The following AGBL1 variants were observed in gnomAD, a reference collection of about 807,000 sequenced individuals.
The protein encoded by AGBL1 is AGBL carboxypeptidase 1.
A neutral mutation model predicts 118.9 loss-of-function variants in AGBL1; 130 were observed. The ratio of observed to expected loss-of-function variants is 1.09; its 90% CI spans 0.95 to 1.26. The LOEUF (loss-of-function observed/expected upper bound fraction) is 1.26. AGBL1 is among the 50% of genes most tolerant of loss of function. AGBL1 has a pLI of 0.00. For missense variants in AGBL1, 1,584 were observed against 1,298.1 expected, an observed-to-expected ratio of 1.22 and a Z score of -3.38; for synonymous variants, 555 against 478.9, an observed-to-expected ratio of 1.16 and a Z score of -2.08.
chr15:86,268,343 G>T (rs1410440980), intron 13 of AGBL1, among the ~76,000 whole-genome samples: 1 of 152,086 alleles, frequency 6.6e-6, no homozygotes, highest in Non-Finnish European at 1.5e-5. Flanking sequence ...TGTGTTGTTG[G>T]CTTAGTTTCC....
intron 17 of AGBL1, among the ~76,000 whole-genome samples, chr15:86,375,686 G>A (rs899291792): frequency 2.0e-5 from 3 of 152,208 alleles, no homozygotes; most frequent in African/African-American, 7.2e-5. Flanking sequence ...GCAAGTACAT[G>A]CAGGGAAGAA....
intron 1 of AGBL1, among the ~76,000 whole-genome samples, chr15:86,099,572 C>G (rs1416333896): frequency 1.3e-5 from 2 of 149,324 alleles, no homozygotes; most frequent in African/African-American, 4.9e-5. Context: ...CAGAGTCTCA[C>G]TCTGTTGCCC....
chr15:86,191,816 C>T (rs949113153), intron 5 of AGBL1, among the ~76,000 whole-genome samples: 5 of 150,790 alleles, frequency 3.3e-5, no homozygotes, highest in Non-Finnish European at 7.4e-5. Context: ...GGGCTGCGTG[C>T]AGTAATCCTA....
chr15:86,085,762 A>G (rs1327001231), intron 1 of AGBL1, among the ~76,000 whole-genome samples: 1 of 152,150 alleles, frequency 6.6e-6, no homozygotes, highest in East Asian at 1.9e-4. Context: ...GAACTGTTCT[A>G]CAACACTTGA....
intron 22 of AGBL1, among the ~76,000 whole-genome samples, chr15:86,731,346 A>G (rs1596415677): frequency 6.6e-6 from 1 of 152,190 alleles, no homozygotes; most frequent in Admixed American, 6.5e-5. Context: ...TCATATGCAC[A>G]TCCAACATTC....
chr15:86,989,556 T>A (rs950404069), intron 24 of AGBL1, among the ~76,000 whole-genome samples: 9 of 152,182 alleles, frequency 5.9e-5, no homozygotes, highest in African/African-American at 2.2e-4. Context: ...ATGAGGCCAA[T>A]ATTAAATTTG....
chr15:86,310,303 C>T (rs2079900617), intron 17 of AGBL1, among the ~76,000 whole-genome samples: 1 of 151,894 alleles, frequency 6.6e-6, no homozygotes, highest in Non-Finnish European at 1.5e-5. Flanking sequence ...TTTAAACCTC[C>T]TCTCTTTTTC....
intron 1 of AGBL1, among the ~76,000 whole-genome samples, chr15:86,096,246 T>A (rs1436827531): frequency 1.3e-5 from 2 of 152,164 alleles, no homozygotes; most frequent in African/African-American, 2.4e-5. Context: ...AGATACTGTT[T>A]CCTGTGCAGT....
Position 86,209,228 on chromosome 15 carries a change from A to T in AGBL1, c.489-15686A>T, listed in dbSNP as rs570026374. Among the ~76,000 whole-genome samples the T allele has an allele frequency of 2.0e-5, 3 of 152,252 alleles. No individual in the cohort carries two copies. In the South Asian group the frequency reaches 6.2e-4, roughly 32 times the overall value. ...TTTTACATTGACTGAGGAGTGCTTT[A>T]CTTCCAATTATGTGGTCTATTTTAG... On this transcript the variant is annotated intron_variant, in intron 5 of 22. Transcript: ENST00000614907.
At position 86,264,528 on chromosome 15, in the gene AGBL1, GAA is replaced by G; in HGVS notation, c.1359_1360del (p.Ser454Ter). The part of the protein sequence containing the change: ...QSNSLRRDSS[E>X]SEIPDIQASP... ...CAATAGTCTCAGGAGAGATTCTTCT[GAA>G]AGTGAAATCCCTGACATTCAGGCTT... is the stretch of plus-strand genomic sequence containing the variant. On this transcript the variant is annotated frameshift_variant, in exon 11 of 23. Coordinates refer to ENST00000614907, the MANE Select transcript of AGBL1 (RefSeq NM_001386094.1). LOFTEE classifies it high-confidence loss of function. The G allele has an allele frequency of 1.2e-6, 2 of 1,614,058 alleles. No individual in the cohort carries two copies. The highest frequency in any genetic ancestry group is 1.7e-6 in the Non-Finnish European group (2 of 1,179,906).
chr15:86,174,710 T>C (rs953379955), intron 5 of AGBL1, among the ~76,000 whole-genome samples: 1 of 152,196 alleles, frequency 6.6e-6, no homozygotes, highest in African/African-American at 2.4e-5. Context: ...CATGAAGGAA[T>C]GTTCAATTTT....
intron 19 of AGBL1, among the ~76,000 whole-genome samples, chr15:86,534,725 A>G (rs1299755773): frequency 1.3e-5 from 2 of 152,220 alleles, no homozygotes; most frequent in Non-Finnish European, 2.9e-5. Flanking sequence ...GAACTATGAT[A>G]TAGTCAATAA....
At chr15:86,224,777 G>A in intron 5 of AGBL1, 137 bp from the exon 6 acceptor site, 7 of 772,946 alleles carry the variant, frequency 9.1e-6, no homozygotes, top group South Asian at 1.6e-5. Context: ...GGTCAGCGGG[G>A]CAATCAATAG....
intron 22 of AGBL1, among the ~76,000 whole-genome samples, chr15:86,728,669 C>T (rs1171523872): frequency 1.3e-5 from 2 of 152,150 alleles, no homozygotes; most frequent in African/African-American, 4.8e-5. Context: ...TACATTAAGA[C>T]ATTATTTGTC....
intron 6 of AGBL1, among the ~76,000 whole-genome samples, chr15:86,229,457 G>T (rs995239580): frequency 3.3e-5 from 5 of 152,098 alleles, no homozygotes; most frequent in African/African-American, 1.2e-4. Flanking sequence ...GAGGGTAACT[G>T]CCCCCGTGAT....
chr15:86,927,714 T>C (rs952527127), intron 23 of AGBL1, among the ~76,000 whole-genome samples: 25 of 152,198 alleles, frequency 1.6e-4, no homozygotes, highest in African/African-American at 5.5e-4. Context: ...GTAGTAGTTA[T>C]TGAAAAAAAA....
At chr15:86,188,313 T>G (rs1213539543) in intron 5 of AGBL1, among the ~76,000 whole-genome samples, 1 of 152,106 alleles carries the variant, frequency 6.6e-6, no homozygotes, top group Non-Finnish European at 1.5e-5. Context: ...GTGTTAGGAA[T>G]AAAAAGTTTC....
chr15:86,185,424 A>G (rs2077615151), intron 5 of AGBL1, among the ~76,000 whole-genome samples: 1 of 152,206 alleles, frequency 6.6e-6, no homozygotes, highest in African/African-American at 2.4e-5. Flanking sequence ...CCAAAGGATT[A>G]TAAATCATGC....
intron 5 of AGBL1, among the ~76,000 whole-genome samples, chr15:86,179,314 T>C (rs576947637): frequency 3.9e-5 from 6 of 152,350 alleles, no homozygotes; most frequent in Non-Finnish European, 7.3e-5. Context: ...GATGCAAATA[T>C]TCTTAACCCA....
Sources: allele counts gnomAD v4.1 joint callset (sites outside exome capture counted in the v4.1 genomes callset), GRCh38; gene constraint gnomAD v4.1.1; transcripts MANE v1.5; gene names NCBI Gene and HGNC (gene_info 2026-07-23, HGNC 2026-07-21).